The following GMDS variants were observed in gnomAD, a reference collection of about 807,000 sequenced individuals.
The protein encoded by GMDS is GDP-mannose 4,6 dehydratase.
In GMDS, 20 loss-of-function variants were observed where a neutral mutation model predicts 49.9. That is an observed-to-expected ratio of 0.40 (90% CI 0.28 to 0.58). GMDS has a LOEUF of 0.58. Ranked by LOEUF, GMDS falls within the 20% of genes least tolerant of loss-of-function variation. GMDS has a pLI of 0.42. For synonymous variants in GMDS, 177 were observed against 178.6 expected (o/e 0.99, Z 0.07); for missense variants, 362 against 481.4 (o/e 0.75, Z 2.32).
intron 4 of GMDS, among the ~76,000 whole-genome samples, chr6:2,082,280 C>T (rs536044797): frequency 3.0e-4 from 45 of 152,272 alleles, no homozygotes; most frequent in Non-Finnish European, 4.6e-4. Context: ...TCCCTCGATG[C>T]ACTTCAAGTA....
In GMDS at chr6:1,624,117, G is replaced by A; in HGVS notation, c.*52C>T. The A allele has an allele frequency of 6.5e-7, 1 of 1,530,510 alleles. No homozygotes were observed. The highest frequency in any genetic ancestry group is 1.7e-5 in the Admixed American group (1 of 59,808). The allele number at this position is 1,530,510 out of a possible 1,614,324, so 94.8% of individuals were successfully genotyped here. Reference sequence around the variant, plus strand: ...CCATCCCCGCAGCGCGTCTGCACCGGAGACTCTGCGGGGATTGTAGCCGGA... The same window carrying A: ...CCATCCCCGCAGCGCGTCTGCACCGAAGACTCTGCGGGGATTGTAGCCGGA... On this transcript the variant is annotated 3_prime_UTR_variant, in exon 11 of 11. Coordinates refer to ENST00000380815, the MANE Select transcript of GMDS (RefSeq NM_001500.4).
chr6:2,193,703 A>C (rs904628659), intron 1 of GMDS, among the ~76,000 whole-genome samples: 1 of 151,742 alleles, frequency 6.6e-6, no homozygotes, highest in South Asian at 2.1e-4. Context: ...GAATAGTGGA[A>C]GCTTAGTGAA....
intron 7 of GMDS, among the ~76,000 whole-genome samples, chr6:1,816,698 C>T (rs1770685788): frequency 6.6e-6 from 1 of 152,152 alleles, no homozygotes; most frequent in Non-Finnish European, 1.5e-5. Flanking sequence ...ACCTTTTCAA[C>T]CAATTAATGA....
In GMDS at chr6:2,111,191, A is replaced by G. The variant is rs1028591056; in HGVS notation, c.345+4580T>C. On this transcript the variant is annotated intron_variant, in intron 4 of 10. Coordinates refer to ENST00000380815, the MANE Select transcript of GMDS (RefSeq NM_001500.4). Reference sequence around the variant, plus strand: ...AACACTATTACTTACACAGCAAAAAATACACAAACCAACCAACCGCACAAC... The same window carrying G: ...AACACTATTACTTACACAGCAAAAAGTACACAAACCAACCAACCGCACAAC... 3.3e-5 allele frequency among the ~76,000 whole-genome samples: 5 copies of G among 152,362 alleles called. 1 individual carries two copies. Among genetic ancestry groups the G allele is most frequent in the Admixed American group, 1.3e-4 (2 of 15,310 alleles).
chr6:1,979,858 C>T (rs1047014175), intron 4 of GMDS, among the ~76,000 whole-genome samples: 3 of 152,162 alleles, frequency 2.0e-5, no homozygotes, highest in Admixed American at 1.3e-4. Flanking sequence ...TCAGTGGAAA[C>T]CCTACCAGCT....
chr6:1,683,263 A>G (rs1053889785), intron 9 of GMDS, among the ~76,000 whole-genome samples: 2 of 152,124 alleles, frequency 1.3e-5, no homozygotes, highest in African/African-American at 4.8e-5. Context: ...AGCTGGGACT[A>G]CAGGCGCCCG....
chr6:1,933,921 T>C (rs1414596311), intron 6 of GMDS, among the ~76,000 whole-genome samples: 1 of 152,228 alleles, frequency 6.6e-6, no homozygotes, highest in Non-Finnish European at 1.5e-5. Context: ...GTGTGGCAGA[T>C]GCTTTTGGTG....
intron 4 of GMDS, among the ~76,000 whole-genome samples, chr6:2,028,710 C>G (rs1199675981): frequency 1.3e-5 from 2 of 152,114 alleles, no homozygotes; most frequent in Non-Finnish European, 2.9e-5. Context: ...ACAAAAAGAG[C>G]CTCAGAATGC....
At chr6:2,047,241 A>C (rs557083095) in intron 4 of GMDS, among the ~76,000 whole-genome samples, 1 of 152,312 alleles carries the variant, frequency 6.6e-6, no homozygotes, top group Admixed American at 6.5e-5. Context: ...TTCTCTTTGT[A>C]CTGCCCTGCA....
At chr6:2,182,454 A>T (rs772412655) in intron 1 of GMDS, among the ~76,000 whole-genome samples, 1 of 152,254 alleles carries the variant, frequency 6.6e-6, no homozygotes, top group Non-Finnish European at 1.5e-5. Flanking sequence ...GGACTTTCAT[A>T]GCTGCAGAGA....
At chr6:2,077,478 T>C (rs559762074) in intron 4 of GMDS, among the ~76,000 whole-genome samples, 135 of 152,060 alleles carry the variant, frequency 8.9e-4, no homozygotes, top group African/African-American at 3.2e-3. Context: ...TTGCTGAGAG[T>C]TTTTTATCAT....
At chr6:2,102,800 G>A (rs1774001113) in intron 4 of GMDS, among the ~76,000 whole-genome samples, 1 of 152,074 alleles carries the variant, frequency 6.6e-6, no homozygotes, top group African/African-American at 2.4e-5. Flanking sequence ...CTGGTTTTAA[G>A]AAATATATGA....
chr6:1,747,540 C>T (rs1443852675), intron 7 of GMDS, among the ~76,000 whole-genome samples: 1 of 151,588 alleles, frequency 6.6e-6, no homozygotes, highest in Non-Finnish European at 1.5e-5. Context: ...CAGGGGAGAA[C>T]ATGTATGAAA....
chr6:2,033,039 G>A (rs751691799), intron 4 of GMDS, among the ~76,000 whole-genome samples: 3 of 152,228 alleles, frequency 2.0e-5, no homozygotes, highest in Non-Finnish European at 4.4e-5. Flanking sequence ...GAAAAAGTAT[G>A]TTAAATCATG....
chr6:2,218,858 G>C (rs1204482722), intron 1 of GMDS, among the ~76,000 whole-genome samples: 2 of 152,148 alleles, frequency 1.3e-5, no homozygotes, highest in East Asian at 3.9e-4. Context: ...TTTATTCAGG[G>C]TCACAAGGTT....
intron 4 of GMDS, among the ~76,000 whole-genome samples, chr6:2,002,273 C>A (rs1261422998): frequency 2.6e-5 from 4 of 152,142 alleles, no homozygotes; most frequent in African/African-American, 9.7e-5. Context: ...GTGTCTCTGC[C>A]CTCAGGGCTC....
chr6:1,870,706 A>T (rs2113802211), intron 7 of GMDS, among the ~76,000 whole-genome samples: 1 of 152,308 alleles, frequency 6.6e-6, no homozygotes, highest in South Asian at 2.1e-4. Context: ...TACGCCCAAG[A>T]CACACCTATG....
intron 4 of GMDS, among the ~76,000 whole-genome samples, chr6:1,964,123 G>A (rs140864728): frequency 6.6e-6 from 1 of 152,196 alleles, no homozygotes; most frequent in Non-Finnish European, 1.5e-5. Flanking sequence ...GCTTTCCAGA[G>A]ATTTGTGGAT....
intron 9 of GMDS, among the ~76,000 whole-genome samples, chr6:1,724,984 T>C (rs1300134484): frequency 6.6e-6 from 1 of 152,192 alleles, no homozygotes; most frequent in Admixed American, 6.5e-5. Flanking sequence ...GAAATACAGT[T>C]TTTTCCTTCT....
Sources: gnomAD v4.1 joint callset for allele counts (sites outside exome capture counted in the v4.1 genomes callset) on GRCh38, gnomAD v4.1.1 for gene constraint, MANE v1.5 for transcripts, NCBI Gene and HGNC (gene_info 2026-07-23, HGNC 2026-07-21) for gene names.